The following PTPRT variants were observed in gnomAD, a reference collection of about 807,000 sequenced individuals.
PTPRT encodes receptor-type tyrosine-protein phosphatase T.
A neutral mutation model predicts 176.8 loss-of-function variants in PTPRT; 56 were observed. The ratio of observed to expected loss-of-function variants is 0.32; its 90% confidence interval spans 0.26 to 0.40. The LOEUF (loss-of-function observed/expected upper bound fraction) is 0.40, where lower values mean the gene tolerates loss of function less well. PTPRT is among the 10% of genes least tolerant of loss of function. PTPRT has a pLI of 1.00. For missense variants in PTPRT, 1,540 were observed against 1,908.2 expected, an observed-to-expected ratio of 0.81 and a Z score of 3.60; for synonymous variants, 783 against 739.0, an observed-to-expected ratio of 1.06 and a Z score of -0.96.
intron 12 of PTPRT, among the ~76,000 whole-genome samples, chr20:42,283,742 A>G (rs1477593288): frequency 1.3e-5 from 2 of 152,102 alleles, no homozygotes; most frequent in Non-Finnish European, 2.9e-5. Flanking sequence ...TGCGTGCTTT[A>G]TTGGCTAGAA....
At chr20:42,604,563 G>A (rs1408989879) in intron 7 of PTPRT, among the ~76,000 whole-genome samples, 1 of 151,978 alleles carries the variant, frequency 6.6e-6, no homozygotes, top group Non-Finnish European at 1.5e-5. Flanking sequence ...ACTAATGTGG[G>A]TGGCTATGGT....
intron 2 of PTPRT, among the ~76,000 whole-genome samples, chr20:42,847,113 A>G (rs2078386816): frequency 6.6e-6 from 1 of 152,244 alleles, no homozygotes; most frequent in Admixed American, 6.5e-5. Flanking sequence ...GCATGTTCGA[A>G]TGAGGAGAAT....
chr20:43,007,953 T>A (rs1354705290), intron 1 of PTPRT, among the ~76,000 whole-genome samples: 2 of 152,146 alleles, frequency 1.3e-5, no homozygotes, highest in African/African-American at 4.8e-5. Flanking sequence ...AAAAGCCAAG[T>A]AAAAGTGCTG....
intron 9 of PTPRT, among the ~76,000 whole-genome samples, chr20:42,366,629 C>T (rs1004413026): frequency 6.6e-6 from 1 of 152,220 alleles, no homozygotes; most frequent in African/African-American, 2.4e-5. Flanking sequence ...ATCTGGAACA[C>T]TTTGGAGACA....
At chr20:43,180,139 G>A (rs940887145) in intron 1 of PTPRT, among the ~76,000 whole-genome samples, 5 of 152,158 alleles carry the variant, frequency 3.3e-5, no homozygotes, top group African/African-American at 1.2e-4. Context: ...CTTGAGCTGG[G>A]ACATCCATCC....
In PTPRT at chr20:42,640,231, G is replaced by C. The variant is rs1569044912; in HGVS notation, c.1153+37635C>G. ...AATATTAGAGATTTCATAAGCACCA[G>C]TAAAATTTATTTTTTTATTGGTAGT... is the stretch of plus-strand genomic sequence containing the variant. On this transcript the variant is annotated intron_variant, in intron 7 of 30. Coordinates refer to ENST00000373187, the MANE Select transcript of PTPRT (RefSeq NM_007050.6). 2.0e-5 allele frequency among the ~76,000 whole-genome samples: 3 copies of C among 152,122 alleles called. No individual in the cohort carries two copies. The East Asian group carries it at 5.8e-4, about 29-fold the overall frequency.
chr20:42,557,053 A>G (rs2072873186), intron 7 of PTPRT, among the ~76,000 whole-genome samples: 1 of 152,124 alleles, frequency 6.6e-6, no homozygotes. Context: ...CTATACATAC[A>G]GAAGGCAACC....
rs6029959 is a variant in PTPRT, at chr20:42,076,024, C to A, written c.*4855G>T. 2.2e-5 allele frequency: 5 copies of A among 223,460 alleles called. No homozygotes were observed. Among genetic ancestry groups the A allele is most frequent in the Non-Finnish European group, 4.5e-5 (5 of 111,944 alleles). The allele number at this position is 223,460 out of a possible 1,614,324, so 13.8% of individuals were successfully genotyped here. ...TGGCCTTGCGTTCCTGTTTTCCTGCCTAAAGTGCTCCAAATCTACCCCTTC... is the reference window on the plus strand; with the variant it reads ...TGGCCTTGCGTTCCTGTTTTCCTGCATAAAGTGCTCCAAATCTACCCCTTC... On this transcript the variant is annotated 3_prime_UTR_variant, in exon 31 of 31. Transcript: ENST00000373187.
intron 1 of PTPRT, among the ~76,000 whole-genome samples, chr20:42,951,490 T>C (rs527264565): frequency 6.6e-6 from 1 of 152,292 alleles, no homozygotes; most frequent in Non-Finnish European, 1.5e-5. Context: ...CATCCATTTA[T>C]TCATTTACAT....
intron 9 of PTPRT, among the ~76,000 whole-genome samples, chr20:42,391,089 A>C (rs568839086): frequency 6.6e-6 from 1 of 152,332 alleles, no homozygotes; most frequent in East Asian, 1.9e-4. Context: ...TGAGTTATTA[A>C]TGAATTAAGA....
intron 6 of PTPRT, among the ~76,000 whole-genome samples, chr20:42,683,057 T>C (rs2075630231): frequency 6.6e-6 from 1 of 152,088 alleles, no homozygotes; most frequent in South Asian, 2.1e-4. Flanking sequence ...TCCAACACTT[T>C]ACACCACACG....
intron 12 of PTPRT, among the ~76,000 whole-genome samples, chr20:42,293,213 T>C (rs546531588): frequency 1.3e-5 from 2 of 152,336 alleles, no homozygotes; most frequent in East Asian, 3.9e-4. Context: ...TTGTAAGTTT[T>C]ATCTCTACTT....
intron 1 of PTPRT, among the ~76,000 whole-genome samples, chr20:42,916,755 A>G (rs1233444237): frequency 1.3e-5 from 2 of 152,072 alleles, no homozygotes; most frequent in Admixed American, 6.5e-5. Flanking sequence ...TGATTGCATA[A>G]ATGTCTTCTT....
the PTPRT span, among the ~76,000 whole-genome samples, chr20:42,052,577 A>T: frequency 6.6e-6 from 1 of 152,112 alleles, no homozygotes; most frequent in Non-Finnish European, 1.5e-5. Context: ...GAACATTTGA[A>T]AAAGAAGGAG....
intron 7 of PTPRT, among the ~76,000 whole-genome samples, chr20:42,620,746 C>T (rs1373492253): frequency 2.0e-5 from 3 of 152,220 alleles, no homozygotes; most frequent in African/African-American, 7.2e-5. Flanking sequence ...CGAAAGGGAA[C>T]TCCCTGACCC....
intron 1 of PTPRT, among the ~76,000 whole-genome samples, chr20:42,967,804 C>T (rs867406393): frequency 2.0e-5 from 3 of 151,904 alleles, no homozygotes; most frequent in African/African-American, 7.3e-5. Context: ...TCAGCCTCGC[C>T]CTCTCCAAGC....
In PTPRT at chr20:42,302,359, G is replaced by A. The variant is rs866833366; in HGVS notation, c.2139+13364C>T. Among the ~76,000 whole-genome samples, 12 of 151,982 alleles carry A rather than the reference G, an allele frequency of 7.9e-5. No homozygotes were observed. The East Asian group carries it at 1.3e-3, about 17-fold the overall frequency. Reference sequence around the variant, plus strand: ...CTCTCTGGGCTTCATTCCATATCCCGGAACCAACACCGGGATTGTCTTCCC... The same window carrying A: ...CTCTCTGGGCTTCATTCCATATCCCAGAACCAACACCGGGATTGTCTTCCC... On this transcript the variant is annotated intron_variant, in intron 12 of 30. Coordinates refer to ENST00000373187, the MANE Select transcript of PTPRT (RefSeq NM_007050.6).
the PTPRT span, among the ~76,000 whole-genome samples, chr20:42,064,308 G>A: frequency 1.4e-4 from 22 of 152,132 alleles, 1 homozygote; most frequent in Admixed American, 9.2e-4. Flanking sequence ...TGATTGAAGC[G>A]GCATTAAACT....
At chr20:42,509,014 T>C (rs1376090790) in intron 7 of PTPRT, among the ~76,000 whole-genome samples, 1 of 104,546 alleles carries the variant, frequency 9.6e-6, no homozygotes, top group African/African-American at 3.9e-5. Context: ...ATTATATAAT[T>C]TATATTTAAT....
Sources: allele counts gnomAD v4.1 joint callset (sites outside exome capture counted in the v4.1 genomes callset), GRCh38; gene constraint gnomAD v4.1.1; transcripts MANE v1.5; gene names NCBI Gene and HGNC (gene_info 2026-07-23, HGNC 2026-07-21).